The following LRRC37A2 variants were observed in gnomAD, a reference collection of about 807,000 sequenced individuals.
LRRC37A2 encodes the protein leucine rich repeat containing 37 member A2, also known as leucine-rich repeat-containing protein 37A2.
In LRRC37A2, 9 loss-of-function variants were observed where a neutral mutation model predicts 68.8. The ratio of observed to expected loss-of-function variants is 0.13; its 90% CI spans 0.08 to 0.23. The LOEUF (loss-of-function observed/expected upper bound fraction) is 0.23. LRRC37A2 is among the 10% of genes least tolerant of loss of function. LRRC37A2 has a pLI of 1.00. For synonymous variants in LRRC37A2, 63 were observed against 367.6 expected (o/e 0.17, Z 9.48); for missense variants, 168 against 950.4 (o/e 0.18, Z 10.82).
the LRRC37A2 span, among the ~76,000 whole-genome samples, chr17:47,015,235 TG>T: frequency 6.6e-6 from 1 of 152,174 alleles, no homozygotes; most frequent in Admixed American, 6.5e-5. Flanking sequence ...CTTGAACTCC[TG>T]AGCTCAAGTG....
chr17:46,989,162 T>C, the LRRC37A2 span, among the ~76,000 whole-genome samples: 46 of 152,314 alleles, frequency 3.0e-4, no homozygotes, highest in Non-Finnish European at 4.7e-4. Flanking sequence ...GTAGGCATGC[T>C]AGTCAGATGC....
the LRRC37A2 span, among the ~76,000 whole-genome samples, chr17:46,799,437 T>C: frequency 7.3e-6 from 1 of 136,388 alleles, no homozygotes; most frequent in Non-Finnish European, 1.5e-5. Context: ...TCAGTTTCTA[T>C]TATTTCTACT....
chr17:46,900,168 CATATATATATATATAT>C, the LRRC37A2 span, among the ~76,000 whole-genome samples: 1 of 64,060 alleles, frequency 1.6e-5, no homozygotes, highest in Non-Finnish European at 2.8e-5. Flanking sequence ...TATACATATA[CATATATATATATATAT>C]ATATATATAT....
chr17:46,952,650 G>A, the LRRC37A2 span: 1 of 152,120 alleles, frequency 6.6e-6, no homozygotes, highest in Non-Finnish European at 1.5e-5. Flanking sequence ...TAACCTGAAG[G>A]CTTTTATTCC....
the LRRC37A2 span, among the ~76,000 whole-genome samples, chr17:46,749,005 AG>A: frequency 1.3e-5 from 2 of 152,202 alleles, no homozygotes; most frequent in Admixed American, 6.5e-5. Flanking sequence ...TGGTGGGGGA[AG>A]GGGGGTAGTG....
chr17:46,699,465 C>CT, the LRRC37A2 span, among the ~76,000 whole-genome samples: 1 of 152,202 alleles, frequency 6.6e-6, no homozygotes, highest in African/African-American at 2.4e-5. Context: ...AGTCAAAGCT[C>CT]TAAGTTATGT....
At chr17:46,455,713 T>C in the LRRC37A2 span, among the ~76,000 whole-genome samples, 1 of 149,280 alleles carries the variant, frequency 6.7e-6, no homozygotes, top group East Asian at 1.9e-4. Flanking sequence ...TACCCATACT[T>C]AGGAGTGTGA....
At chr17:47,017,895 T>A in the LRRC37A2 span, 4 of 1,612,276 alleles carry the variant, frequency 2.5e-6, no homozygotes, top group Non-Finnish European at 3.4e-6. Context: ...AGACATCCAG[T>A]CCTCTTCACT....
At chr17:47,034,305 A>G in the LRRC37A2 span, among the ~76,000 whole-genome samples, 1 of 152,258 alleles carries the variant, frequency 6.6e-6, no homozygotes, top group Admixed American at 6.5e-5. Context: ...CAGTCTCTCC[A>G]TGGCCCAGGC....
chr17:46,869,407 A>G, the LRRC37A2 span, among the ~76,000 whole-genome samples: 3 of 152,236 alleles, frequency 2.0e-5, no homozygotes, highest in South Asian at 6.2e-4. Context: ...TCCCCTGGGC[A>G]TCGCGGACAT....
the LRRC37A2 span, among the ~76,000 whole-genome samples, chr17:46,843,095 T>A: frequency 6.6e-6 from 1 of 152,180 alleles, no homozygotes; most frequent in Non-Finnish European, 1.5e-5. Context: ...AGGCACCTCA[T>A]GAGGAAGAAG....
At chr17:46,918,357 C>T in the LRRC37A2 span, among the ~76,000 whole-genome samples, 3 of 152,194 alleles carry the variant, frequency 2.0e-5, no homozygotes, top group East Asian at 1.9e-4. Flanking sequence ...GGATTACAGG[C>T]GTGAACCGCC....
At chr17:46,923,201 C>T in the LRRC37A2 span, 9 of 1,548,502 alleles carry the variant, frequency 5.8e-6, no homozygotes, top group South Asian at 1.2e-5. Flanking sequence ...ACATGGATCC[C>T]CTGTTCCAGC....
the LRRC37A2 span, chr17:46,978,917 C>T: frequency 6.8e-7 from 1 of 1,466,240 alleles, no homozygotes; most frequent in Non-Finnish European, 8.9e-7. Flanking sequence ...GTGCCCAGCC[C>T]GTGGGTGCGG....
the LRRC37A2 span, among the ~76,000 whole-genome samples, chr17:46,418,356 G>A: frequency 3.3e-5 from 2 of 60,164 alleles, no homozygotes; most frequent in Admixed American, 1.8e-4. Flanking sequence ...TTTCTGGGTA[G>A]CCTACTCTAC....
At chr17:46,921,647 A>C in the LRRC37A2 span, among the ~76,000 whole-genome samples, 1 of 152,346 alleles carries the variant, frequency 6.6e-6, no homozygotes, top group South Asian at 2.1e-4. Flanking sequence ...AAAAAAACAA[A>C]CAACCCCATC....
intron 6 of LRRC37A2, among the ~76,000 whole-genome samples, chr17:46,537,038 G>A (rs1452360305): frequency 0.05 from 1,616 of 32,436 alleles, 3 homozygotes; most frequent in Admixed American, 0.084. Context: ...CAAGACTTTG[G>A]TTACATTTCT....
intron 8 of LRRC37A2, among the ~76,000 whole-genome samples, chr17:46,541,694 T>C (rs1336180058): frequency 6.6e-6 from 1 of 150,808 alleles, no homozygotes; most frequent in African/African-American, 2.5e-5. Flanking sequence ...AAATAAAATA[T>C]ATAAAACAAC....
At chr17:47,015,641 T>C in the LRRC37A2 span, among the ~76,000 whole-genome samples, 1 of 152,254 alleles carries the variant, frequency 6.6e-6, no homozygotes, top group Non-Finnish European at 1.5e-5. Context: ...AGTCATTATT[T>C]ACTATTTATG....
Sources: allele counts gnomAD v4.1 joint callset (sites outside exome capture counted in the v4.1 genomes callset), GRCh38; gene constraint gnomAD v4.1.1; transcripts MANE v1.5; gene names NCBI Gene and HGNC (gene_info 2026-07-23, HGNC 2026-07-21).